AFF3: variants seen among roughly 807,000 people sequenced by gnomAD.
AFF3 encodes the protein ALF transcription elongation factor 3.
In AFF3, 32 loss-of-function variants were observed where a neutral mutation model predicts 129.7. That is an observed-to-expected ratio of 0.25 (90% CI 0.19 to 0.33). The LOEUF is 0.33. Among genes scored for constraint, AFF3 ranks in the 10% least tolerant of loss-of-function variants. AFF3 has a pLI of 1.00. For synonymous variants in AFF3, 644 were observed against 635.4 expected (o/e 1.01, Z -0.20); for missense variants, 1,373 against 1,592.0 (o/e 0.86, Z 2.34).
At chr2:100,140,846 C>A (rs4850920) in intron 1 of AFF3, among the ~76,000 whole-genome samples, 34,870 of 152,088 alleles carry the variant, frequency 0.23, 4,349 homozygotes, top group East Asian at 0.5. Flanking sequence ...AGTGTAAGGA[C>A]TGTAATGTCA....
At chr2:99,847,638 C>T (rs980593616) in intron 7 of AFF3, among the ~76,000 whole-genome samples, 5 of 151,858 alleles carry the variant, frequency 3.3e-5, no homozygotes, top group Admixed American at 1.3e-4. Flanking sequence ...AGTCCTTCTG[C>T]TTGTAGAACT....
intron 10 of AFF3, among the ~76,000 whole-genome samples, chr2:99,740,138 G>C (rs1462282628): frequency 1.3e-5 from 2 of 151,466 alleles, no homozygotes; most frequent in Non-Finnish European, 2.9e-5. Flanking sequence ...CAAAGGACGT[G>C]AACTCATCAT....
chr2:99,623,261 T>C (rs1682218587), intron 13 of AFF3, among the ~76,000 whole-genome samples: 1 of 151,844 alleles, frequency 6.6e-6, no homozygotes, highest in Non-Finnish European at 1.5e-5. Flanking sequence ...TCATTTGCAG[T>C]GCAAAATGCA....
At chr2:99,838,336 GA>G (rs1169871613) in intron 7 of AFF3, among the ~76,000 whole-genome samples, 2 of 152,156 alleles carry the variant, frequency 1.3e-5, no homozygotes, top group African/African-American at 4.8e-5. Context: ...ATGTCAACCT[GA>G]GAGTAGATGT....
chr2:99,967,514 T>C (rs1171659559), intron 7 of AFF3, among the ~76,000 whole-genome samples: 1 of 152,238 alleles, frequency 6.6e-6, no homozygotes, highest in Non-Finnish European at 1.5e-5. Context: ...GCTTGTGAAC[T>C]GACTGTGTCC....
intron 7 of AFF3, among the ~76,000 whole-genome samples, chr2:99,841,360 C>T (rs1319082419): frequency 1.3e-5 from 2 of 152,206 alleles, no homozygotes; most frequent in African/African-American, 2.4e-5. Context: ...TCTAAGGCAG[C>T]TCCAACCAGA....
intron 13 of AFF3, among the ~76,000 whole-genome samples, chr2:99,647,104 G>A (rs1390727004): frequency 6.6e-6 from 1 of 152,182 alleles, no homozygotes; most frequent in African/African-American, 2.4e-5. Context: ...ATTCTTCAAA[G>A]ACCTAGAGGC....
intron 7 of AFF3, among the ~76,000 whole-genome samples, chr2:99,922,984 G>A (rs953716062): frequency 5.9e-5 from 9 of 152,124 alleles, no homozygotes; most frequent in African/African-American, 9.7e-5. Context: ...TATGCCATTC[G>A]TTCCTAGTGC....
intron 7 of AFF3, among the ~76,000 whole-genome samples, chr2:99,859,804 C>T (rs1383422567): frequency 6.6e-6 from 1 of 152,124 alleles, no homozygotes; most frequent in African/African-American, 2.4e-5. Context: ...TTGGTTGTAA[C>T]CTACAACATG....
rs750007250 is a variant in AFF3 at position 99,755,332 on chromosome 2, G to T, written c.922-3031C>A. Among the ~76,000 whole-genome samples, 126 of 150,768 alleles carry T rather than the reference G, an allele frequency of 8.4e-4. 3 individuals are homozygous for T. The highest frequency in any genetic ancestry group is 2.8e-4 in the Non-Finnish European group (19 of 67,854). ...TGCCTAGGCTGGAGTGCAATGGCGC[G>T]ATCTCAGCTCACCGCGACCTCTGCC... On this transcript the variant is annotated intron_variant, in intron 8 of 24. Coordinates refer to ENST00000672756, the MANE Select transcript of AFF3 (RefSeq NM_001386135.1).
chr2:99,875,787 C>T (rs1403414164), intron 7 of AFF3, among the ~76,000 whole-genome samples: 1 of 152,192 alleles, frequency 6.6e-6, no homozygotes, highest in Non-Finnish European at 1.5e-5. Flanking sequence ...CCACATGCAG[C>T]CTGGCTCAAT....
At chr2:99,780,669 C>T (rs562080800) in intron 8 of AFF3, among the ~76,000 whole-genome samples, 5 of 152,154 alleles carry the variant, frequency 3.3e-5, no homozygotes, top group Non-Finnish European at 7.3e-5. Flanking sequence ...CATTGTCTTC[C>T]CCATCTTAGT....
At chr2:100,053,391 T>C (rs2105161565) in intron 4 of AFF3, among the ~76,000 whole-genome samples, 1 of 152,344 alleles carries the variant, frequency 6.6e-6, no homozygotes, top group South Asian at 2.1e-4. Context: ...CATGGGGGCA[T>C]TACATTAGAA....
intron 15 of AFF3, among the ~76,000 whole-genome samples, chr2:99,588,578 G>C (rs1005403236): frequency 1.3e-5 from 2 of 152,178 alleles, no homozygotes; most frequent in African/African-American, 4.8e-5. Flanking sequence ...CCTCAGGGCT[G>C]TCTGCATTGT....
At chr2:99,617,478 C>T (rs934809661) in intron 13 of AFF3, among the ~76,000 whole-genome samples, 17 of 152,092 alleles carry the variant, frequency 1.1e-4, no homozygotes. Flanking sequence ...TATTCAAATC[C>T]TTTGGCCTTT....
At chr2:99,559,980 G>A (rs931971432) in intron 21 of AFF3, among the ~76,000 whole-genome samples, 2 of 152,220 alleles carry the variant, frequency 1.3e-5, no homozygotes, top group Non-Finnish European at 2.9e-5. Flanking sequence ...AAGCGGCTGC[G>A]CCGGGTGCGA....
At chr2:99,960,702 C>T (rs7606112) in intron 7 of AFF3, among the ~76,000 whole-genome samples, 189 of 152,330 alleles carry the variant, frequency 1.2e-3, no homozygotes, top group Middle Eastern at 0.01. Context: ...TGCTTACATA[C>T]TAGCTAGGAC....
At chr2:99,612,039 TG>T (rs1376521447) in intron 13 of AFF3, among the ~76,000 whole-genome samples, 1 of 152,206 alleles carries the variant, frequency 6.6e-6, no homozygotes, top group African/African-American at 2.4e-5. Flanking sequence ...AAAGGAAACC[TG>T]GGGAAGTCAC....
intron 8 of AFF3, among the ~76,000 whole-genome samples, chr2:99,809,857 AT>A (rs1167816765): frequency 6.6e-6 from 1 of 152,166 alleles, no homozygotes; most frequent in Admixed American, 6.5e-5. Context: ...CAGGTGTTAT[AT>A]TTTTATAAGA....
Sources: gnomAD v4.1 joint callset for allele counts (sites outside exome capture counted in the v4.1 genomes callset) on GRCh38, gnomAD v4.1.1 for gene constraint, MANE v1.5 for transcripts, NCBI Gene and HGNC (gene_info 2026-07-23, HGNC 2026-07-21) for gene names.